Variants in SULF1 observed in about 807,000 individuals in gnomAD.
The protein encoded by SULF1 is sulfatase 1, also known as extracellular sulfatase Sulf-1.
In SULF1, 46 loss-of-function variants were observed where a neutral mutation model predicts 110.5. The observed-to-expected ratio is 0.42, with a 90% CI of 0.33 to 0.53. The LOEUF (loss-of-function observed/expected upper bound fraction) is 0.53. SULF1 is among the 20% of genes least tolerant of loss of function. The pLI is 0.12. For missense variants in SULF1, 941 were observed against 1,094.2 expected (o/e 0.86, Z 1.98); for synonymous variants, 371 against 387.1 (o/e 0.96, Z 0.49).
intron 18 of SULF1, 95 bp downstream of exon 18, chr8:69,628,331 T>G (rs1396593699): frequency 2.9e-6 from 3 of 1,043,090 alleles, no homozygotes; most frequent in Non-Finnish European, 4.5e-6. Flanking sequence ...TTTCCTGCAG[T>G]GCCGCTTCAG....
At chr8:69,506,049 T>C (rs1811169807) in intron 3 of SULF1, among the ~76,000 whole-genome samples, 1 of 152,192 alleles carries the variant, frequency 6.6e-6, no homozygotes, top group South Asian at 2.1e-4. Context: ...TTTTATAAAA[T>C]TGGAAACATG....
chr8:69,574,875 T>C (rs534391296), intron 5 of SULF1, among the ~76,000 whole-genome samples: 1 of 152,340 alleles, frequency 6.6e-6, no homozygotes, highest in South Asian at 2.1e-4. Flanking sequence ...ATGTGAACGG[T>C]AAAAGCTAGT....
chr8:69,524,986 A>T (rs79168095), intron 3 of SULF1, among the ~76,000 whole-genome samples: 1 of 152,186 alleles, frequency 6.6e-6, no homozygotes, highest in African/African-American at 2.4e-5. Context: ...ATAACGTATA[A>T]TACTGGCTTT....
At chr8:69,583,747 T>C (rs867894615) in intron 6 of SULF1, among the ~76,000 whole-genome samples, 2 of 152,266 alleles carry the variant, frequency 1.3e-5, no homozygotes, top group Middle Eastern at 6.8e-3. Flanking sequence ...GAGGCAATGT[T>C]TGCCCTCAAA....
At chr8:69,640,453 G>GT (rs1325201354) in intron 21 of SULF1, among the ~76,000 whole-genome samples, 2 of 152,008 alleles carry the variant, frequency 1.3e-5, no homozygotes, top group Non-Finnish European at 2.9e-5. Flanking sequence ...TTATTAGCCC[G>GT]TTTTTTTCCA....
chr8:69,592,183 G>A (rs1200119462), intron 8 of SULF1, among the ~76,000 whole-genome samples: 2 of 152,136 alleles, frequency 1.3e-5, no homozygotes, highest in East Asian at 3.9e-4. Flanking sequence ...AAGAGAATAT[G>A]GCAAGGACAC....
At chr8:69,642,393 A>G in intron 22 of SULF1, 1 of 987,212 alleles carries the variant, frequency 1.0e-6, no homozygotes, top group Non-Finnish European at 1.2e-6. Context: ...TATATGTTAT[A>G]GCCATGTATG....
intron 13 of SULF1, among the ~76,000 whole-genome samples, chr8:69,617,696 G>C (rs921121282): frequency 4.0e-5 from 6 of 151,890 alleles, no homozygotes; most frequent in Non-Finnish European, 7.4e-5. Flanking sequence ...TTAAATGGCA[G>C]AATCATGAAC....
At chr8:69,599,686 AG>A (rs2130379031) in intron 8 of SULF1, among the ~76,000 whole-genome samples, 1 of 152,354 alleles carries the variant, frequency 6.6e-6, no homozygotes, top group South Asian at 2.1e-4. Context: ...AGTAGATTAT[AG>A]TCTGTTAAAG....
chr8:69,609,498 G>A (rs1808476740), intron 13 of SULF1, among the ~76,000 whole-genome samples: 1 of 152,148 alleles, frequency 6.6e-6, no homozygotes, highest in Non-Finnish European at 1.5e-5. Flanking sequence ...AAGAATCACA[G>A]GCCTAGAACC....
chr8:69,552,804 C>T (rs1242525901), intron 3 of SULF1, among the ~76,000 whole-genome samples: 5 of 152,126 alleles, frequency 3.3e-5, no homozygotes, highest in Admixed American at 6.5e-5. Context: ...TTATTTAAAT[C>T]GTTTGTTATG....
chr8:69,594,675 G>A (rs992064888), intron 8 of SULF1, among the ~76,000 whole-genome samples: 1 of 151,880 alleles, frequency 6.6e-6, no homozygotes, highest in African/African-American at 2.4e-5. Flanking sequence ...TACGTGAAAG[G>A]ACGTGCTTTT....
intron 22 of SULF1, among the ~76,000 whole-genome samples, chr8:69,644,370 A>G (rs1563625914): frequency 6.6e-6 from 1 of 152,260 alleles, no homozygotes; most frequent in East Asian, 1.9e-4. Flanking sequence ...TGCTGAATGC[A>G]GGACATTTAT....
chr8:69,574,628 C>G (rs961022699), intron 5 of SULF1, among the ~76,000 whole-genome samples: 10 of 152,288 alleles, frequency 6.6e-5, no homozygotes, highest in Admixed American at 2.0e-4. Context: ...CAGAAAATTT[C>G]CCATTTCTTT....
In SULF1 at chr8:69,586,556, TG is replaced by T. The variant is rs770443149; in HGVS notation, c.564+52del. On this transcript the variant is annotated intron_variant, in intron 7 of 22. Transcript: ENST00000402687. ...CTGCATCAATTTACTTTGTGCATAATGGGGAAAAGCCATTTTCAGTGAGTTA... is the reference window on the plus strand; with the variant it reads ...CTGCATCAATTTACTTTGTGCATAATGGGAAAAGCCATTTTCAGTGAGTTA... 3.3e-5 allele frequency: 52 copies of T among 1,580,374 alleles called. 2 individuals are homozygous for T. In the South Asian group the frequency reaches 5.9e-4, roughly 18 times the overall value.
intron 3 of SULF1, among the ~76,000 whole-genome samples, chr8:69,546,746 A>G (rs193028156): frequency 6.6e-6 from 1 of 152,306 alleles, no homozygotes; most frequent in Admixed American, 6.5e-5. Context: ...TTAAAACATA[A>G]GAGTCTATTA....
At chr8:69,552,786 A>G (rs895873139) in intron 3 of SULF1, among the ~76,000 whole-genome samples, 6 of 152,264 alleles carry the variant, frequency 3.9e-5, no homozygotes, top group African/African-American at 1.2e-4. Context: ...GATAGAAACA[A>G]TCTTGAATTA....
chr8:69,652,118 T>G (rs946513572), intron 22 of SULF1, among the ~76,000 whole-genome samples: 18 of 152,110 alleles, frequency 1.2e-4, no homozygotes, highest in African/African-American at 4.8e-5. Context: ...CTTCCTCTGT[T>G]TTCTGGGGTC....
At chr8:69,633,904 A>G (rs563618130) in intron 19 of SULF1, among the ~76,000 whole-genome samples, 1 of 152,278 alleles carries the variant, frequency 6.6e-6, no homozygotes, top group South Asian at 2.1e-4. Flanking sequence ...TTGTATTTGT[A>G]TATTTCATGA....
Sources: allele counts gnomAD v4.1 joint callset (sites outside exome capture counted in the v4.1 genomes callset), GRCh38; gene constraint gnomAD v4.1.1; transcripts MANE v1.5; gene names NCBI Gene and HGNC (gene_info 2026-07-23, HGNC 2026-07-21).